The following ZFAT variants were observed in gnomAD, a reference collection of about 807,000 sequenced individuals.
The protein encoded by ZFAT is zinc finger and AT-hook domain containing.
ZFAT carries 64 observed loss-of-function variants against 117.7 expected under a neutral mutation model. The observed-to-expected ratio is 0.54, with a 90% confidence interval of 0.44 to 0.67. The LOEUF (loss-of-function observed/expected upper bound fraction) is 0.67, where lower values mean the gene tolerates loss of function less well. Ranked by LOEUF, ZFAT falls within the 30% of genes least tolerant of loss-of-function variation. The pLI, the probability that ZFAT is intolerant of heterozygous loss-of-function variation, is 0.00. For synonymous variants in ZFAT, 679 were observed against 615.0 expected, an observed-to-expected ratio of 1.10 and a Z score of -1.54; for missense variants, 1,433 against 1,584.5, an observed-to-expected ratio of 0.90 and a Z score of 1.62.
chr8:134,498,354 C>T (rs1818672709), intron 15 of ZFAT, among the ~76,000 whole-genome samples: 6 of 139,206 alleles, frequency 4.3e-5, no homozygotes, highest in African/African-American at 5.5e-5. Flanking sequence ...TTGCTGGTTA[C>T]ACACACAGCC....
intron 10 of ZFAT, among the ~76,000 whole-genome samples, chr8:134,578,631 G>A (rs1189993652): frequency 6.6e-6 from 1 of 152,098 alleles, no homozygotes. Flanking sequence ...GTTCTGTTGA[G>A]AATGGACTTG....
In ZFAT at chr8:134,608,751, C is replaced by A; in HGVS notation, c.763G>T (p.Glu255Ter). The A allele has an allele frequency of 1.2e-6, 2 of 1,610,698 alleles. No individual in the cohort carries two copies. Among genetic ancestry groups the A allele is most frequent in the South Asian group, 2.2e-5 (2 of 90,158 alleles). Residue 255 changes from glutamate (E) to a stop codon, truncating the protein, a stop_gained, in exon 5 of 16, where the codon GAG becomes TAG. Coordinates refer to ENST00000377838, the MANE Select transcript of ZFAT (RefSeq NM_020863.4). LOFTEE classifies it high-confidence loss of function. ...QEYAIQQTPY[E>*]QPMKSSRLGP... ...TACCTGCTTGACTTCATTGGTTGCT[C>A]ATAAGGTGTCTGCTGAATGGCGTAT...
intron 3 of ZFAT, among the ~76,000 whole-genome samples, chr8:134,618,717 T>C (rs6983601): frequency 0.065 from 9,855 of 152,284 alleles, 1,093 homozygotes; most frequent in African/African-American, 0.22. Flanking sequence ...TAAGTGTCCA[T>C]ATTCAAACAA....
intron 1 of ZFAT, among the ~76,000 whole-genome samples, chr8:134,699,447 C>T (rs1344220750): frequency 6.6e-6 from 1 of 152,192 alleles, no homozygotes; most frequent in African/African-American, 2.4e-5. Flanking sequence ...TGTGCCATGA[C>T]TCTGCCCTGC....
In ZFAT at chr8:134,600,676, A is replaced by C. The variant is rs1827352904; in HGVS notation, c.2243-8T>G. The stretch of plus-strand genomic sequence containing the variant: ...GGTACCAAAAAAGTTTGCCTAAAAA[A>C]ATATTTTCACATGAGAACAAGGAAG... On this transcript the variant is annotated splice_region_variant and splice_polypyrimidine_tract_variant and intron_variant, in intron 6 of 15. Coordinates refer to ENST00000377838, the MANE Select transcript of ZFAT (RefSeq NM_020863.4). The C allele has an allele frequency of 2.6e-6, 4 of 1,568,096 alleles. No individual in the cohort carries two copies. In the South Asian group the frequency reaches 4.8e-5, roughly 19 times the overall value.
At chr8:134,722,354 C>T in the ZFAT span, among the ~76,000 whole-genome samples, 2 of 152,134 alleles carry the variant, frequency 1.3e-5, no homozygotes, top group Non-Finnish European at 2.9e-5. Flanking sequence ...ACCGGGTTTG[C>T]CCTATCGCAT....
intron 1 of ZFAT, among the ~76,000 whole-genome samples, chr8:134,668,470 G>A (rs1262040927): frequency 2.0e-5 from 3 of 152,210 alleles, no homozygotes; most frequent in Admixed American, 6.5e-5. Context: ...TGCAGCTTCC[G>A]CTGCTAATAC....
In ZFAT at chr8:134,535,321, G is replaced by A. The variant is rs186686889; in HGVS notation, c.2977-2349C>T. Among the ~76,000 whole-genome samples the A allele has an allele frequency of 7.9e-5, 12 of 152,248 alleles. No individual in the cohort carries two copies. In the East Asian group the frequency reaches 1.7e-3, roughly 22 times the overall value. ...GTATCTCCACAGGGATGTTCTATAG[G>A]CACCTTAAACTTTGGACTCACATCT... On this transcript the variant is annotated intron_variant, in intron 11 of 15. Transcript: ENST00000377838.
intron 1 of ZFAT, among the ~76,000 whole-genome samples, chr8:134,705,018 A>G (rs1834110823): frequency 6.6e-6 from 1 of 152,254 alleles, no homozygotes. Flanking sequence ...TAAAACTCCA[A>G]TAAAATCACA....
the ZFAT span, among the ~76,000 whole-genome samples, chr8:134,814,036 C>T: frequency 1.3e-5 from 2 of 152,068 alleles, no homozygotes; most frequent in Non-Finnish European, 2.9e-5. Context: ...ATAAAACACA[C>T]GTGCCCAAAG....
chr8:134,522,747 T>G (rs4909874), intron 12 of ZFAT, among the ~76,000 whole-genome samples: 1 of 152,072 alleles, frequency 6.6e-6, no homozygotes, highest in Non-Finnish European at 1.5e-5. Flanking sequence ...TTTATTCTTA[T>G]GGCCACACTT....
At chr8:134,539,748 A>C (rs1461844556) in intron 11 of ZFAT, among the ~76,000 whole-genome samples, 2 of 152,228 alleles carry the variant, frequency 1.3e-5, no homozygotes, top group African/African-American at 2.4e-5. Flanking sequence ...TGGTGTTTTT[A>C]GAATGCGGAC....
At chr8:134,709,022 C>CA (rs1285224052) in intron 1 of ZFAT, among the ~76,000 whole-genome samples, 2 of 152,176 alleles carry the variant, frequency 1.3e-5, no homozygotes, top group African/African-American at 4.8e-5. Flanking sequence ...CACAGTGACT[C>CA]AAGCCTATAA....
rs937959385 is a variant in ZFAT, at chr8:134,478,382, G to A, written c.*100C>T. On this transcript the variant is annotated 3_prime_UTR_variant, in exon 16 of 16. Transcript: ENST00000377838. The surrounding 1 kb of genome is among the most constrained non-coding windows in gnomAD (Gnocchi z 5.2). ...TGCTGGGCAGGGAGGGCAAAGGAGAGCACCATTCTGCGGGTAGGGCAGGAA... is the reference window on the plus strand; with the variant it reads ...TGCTGGGCAGGGAGGGCAAAGGAGAACACCATTCTGCGGGTAGGGCAGGAA... 1 of 1,469,926 alleles carries A rather than the reference G, an allele frequency of 6.8e-7. No individual in the cohort carries two copies. 91.1% of individuals were successfully genotyped at this position (1,469,926 alleles called of 1,614,324 possible).
rs760453799 is a variant in ZFAT, at chr8:134,601,694, C to T, written c.2025G>A (p.Arg675=). Residue 675 remains arginine, a synonymous_variant, in exon 6 of 16, where the codon AGG becomes AGA. Coordinates refer to ENST00000377838, the MANE Select transcript of ZFAT (RefSeq NM_020863.4). The part of the protein sequence containing the change: ...AGDPDPSRCL[R]SNPAEASDLL... The stretch of plus-strand genomic sequence containing the variant: ...GGTCTGAGGCCTCAGCTGGGTTTGA[C>T]CTGAGACACCTGCTGGGATCTGGGT... The T allele has an allele frequency of 2.5e-6, 4 of 1,613,424 alleles. No individual in the cohort carries two copies. The highest frequency in any genetic ancestry group is 3.4e-6 in the Non-Finnish European group (4 of 1,179,688).
chr8:134,802,105 A>G, the ZFAT span, among the ~76,000 whole-genome samples: 1 of 152,240 alleles, frequency 6.6e-6, no homozygotes. Flanking sequence ...AAGCAAAGAC[A>G]GCAGTGAATG....
intron 3 of ZFAT, among the ~76,000 whole-genome samples, chr8:134,616,901 A>G (rs1828783849): frequency 6.6e-6 from 1 of 152,210 alleles, no homozygotes; most frequent in Admixed American, 6.5e-5. Flanking sequence ...TAAAAAATAA[A>G]ATATAAATAA....
At chr8:134,827,766 T>TAAA in the ZFAT span, among the ~76,000 whole-genome samples, 2 of 114,730 alleles carry the variant, frequency 1.7e-5, no homozygotes, top group African/African-American at 3.3e-5. Context: ...AGACTCTGTC[T>TAAA]AAAAAAAAAA....
intron 3 of ZFAT, among the ~76,000 whole-genome samples, chr8:134,613,776 C>T (rs186053790): frequency 3.3e-5 from 5 of 152,260 alleles, no homozygotes; most frequent in Admixed American, 1.3e-4. Context: ...GAGAAAAGTA[C>T]CGCCTCTCTT....
Sources: gnomAD v4.1 joint callset for allele counts (sites outside exome capture counted in the v4.1 genomes callset) on GRCh38, gnomAD v4.1.1 for gene constraint, Gnocchi (gnomAD v3.1) non-coding constraint, MANE v1.5 for transcripts, NCBI Gene and HGNC (gene_info 2026-07-23, HGNC 2026-07-21) for gene names.